EPHA6: variants seen among roughly 807,000 people sequenced by gnomAD.
EPHA6 encodes EPH receptor A6, also known as ephrin type-A receptor 6.
A neutral mutation model predicts 112.0 loss-of-function variants in EPHA6; 50 were observed. The ratio of observed to expected loss-of-function variants is 0.45; its 90% CI spans 0.36 to 0.56. The LOEUF (loss-of-function observed/expected upper bound fraction) is 0.56. Ranked by LOEUF, EPHA6 falls within the 20% of genes least tolerant of loss-of-function variation. The pLI is 0.00. For missense variants in EPHA6, 1,280 were observed against 1,417.4 expected, an observed-to-expected ratio of 0.90 and a Z score of 1.56; for synonymous variants, 529 against 490.7, an observed-to-expected ratio of 1.08 and a Z score of -1.03.
intron 5 of EPHA6, among the ~76,000 whole-genome samples, chr3:97,258,808 C>T (rs2079401660): frequency 6.6e-6 from 1 of 152,088 alleles, no homozygotes; most frequent in South Asian, 2.1e-4. Context: ...AAGTATCTTG[C>T]ATTAGATAAC....
intron 3 of EPHA6, among the ~76,000 whole-genome samples, chr3:97,204,676 A>G (rs2077667887): frequency 6.6e-6 from 1 of 152,154 alleles, no homozygotes; most frequent in Non-Finnish European, 1.5e-5. Flanking sequence ...ATTTTGGGAA[A>G]AAACAAAGAC....
chr3:97,574,714 A>G (rs1278787039), intron 11 of EPHA6, among the ~76,000 whole-genome samples: 1 of 152,156 alleles, frequency 6.6e-6, no homozygotes, highest in Non-Finnish European at 1.5e-5. Flanking sequence ...AAATGAGACA[A>G]AAATATGAGC....
intron 6 of EPHA6, among the ~76,000 whole-genome samples, chr3:97,414,625 A>G (rs959349765): frequency 6.6e-6 from 1 of 152,030 alleles, no homozygotes; most frequent in Non-Finnish European, 1.5e-5. Flanking sequence ...TAGATTCTCA[A>G]ATGAAAGGGA....
chr3:97,373,803 C>A (rs2085200552), intron 5 of EPHA6, among the ~76,000 whole-genome samples: 2 of 152,106 alleles, frequency 1.3e-5, no homozygotes, highest in South Asian at 4.1e-4. Flanking sequence ...TGAACTATCT[C>A]ATTCTATTCC....
chr3:96,833,635 C>A (rs2034225007), intron 1 of EPHA6, among the ~76,000 whole-genome samples: 1 of 151,980 alleles, frequency 6.6e-6, no homozygotes, highest in Non-Finnish European at 1.5e-5. Flanking sequence ...TAAAAGAGAT[C>A]TAGCTGAAGA....
At chr3:97,327,077 T>C (rs765243753) in intron 5 of EPHA6, among the ~76,000 whole-genome samples, 23 of 152,098 alleles carry the variant, frequency 1.5e-4, no homozygotes, top group Admixed American at 2.6e-4. Context: ...AGGTTAAGCC[T>C]GAAACCGGTA....
chr3:97,495,135 A>T (rs2091943138), intron 10 of EPHA6, among the ~76,000 whole-genome samples: 1 of 152,106 alleles, frequency 6.6e-6, no homozygotes, highest in Admixed American at 6.6e-5. Flanking sequence ...CTACCAGCTT[A>T]TCCCCAGCGG....
intron 5 of EPHA6, among the ~76,000 whole-genome samples, chr3:97,324,517 C>CT (rs2082320630): frequency 1.3e-5 from 1 of 76,566 alleles, no homozygotes; most frequent in South Asian, 5.7e-4. Flanking sequence ...CTTTCTCTTT[C>CT]TTTCTTTCTT....
intron 2 of EPHA6, among the ~76,000 whole-genome samples, chr3:96,974,933 A>C (rs2042462884): frequency 6.6e-6 from 1 of 152,172 alleles, no homozygotes. Flanking sequence ...TATTATACTC[A>C]TAAGTCCCAG....
intron 11 of EPHA6, among the ~76,000 whole-genome samples, chr3:97,587,252 A>C (rs2107320330): frequency 6.6e-6 from 1 of 152,186 alleles, no homozygotes; most frequent in Non-Finnish European, 1.5e-5. Context: ...AAAAAAAAAA[A>C]AGAAACTATC....
intron 7 of EPHA6, among the ~76,000 whole-genome samples, chr3:97,473,049 T>G (rs575961848): frequency 6.6e-6 from 1 of 151,956 alleles, no homozygotes; most frequent in East Asian, 1.9e-4. Flanking sequence ...AGTTTCCTAT[T>G]AAATAAATAA....
chr3:97,438,425 A>G (rs1052422118), intron 6 of EPHA6, among the ~76,000 whole-genome samples: 9 of 152,184 alleles, frequency 5.9e-5, no homozygotes, highest in African/African-American at 1.9e-4. Flanking sequence ...GAAGCACTAT[A>G]TGCTAGCAAA....
chr3:97,057,416 C>T (rs2045885841), intron 3 of EPHA6, among the ~76,000 whole-genome samples: 1 of 152,144 alleles, frequency 6.6e-6, no homozygotes, highest in Non-Finnish European at 1.5e-5. Flanking sequence ...TTAAGTCTCC[C>T]TCTTCATGTG....
intron 2 of EPHA6, among the ~76,000 whole-genome samples, chr3:96,946,645 G>T (rs1039493098): frequency 1.3e-5 from 2 of 152,172 alleles, no homozygotes; most frequent in African/African-American, 4.8e-5. Flanking sequence ...ACGTGTGCAT[G>T]TGTCTTTATA....
rs188395036 is a variant in EPHA6, at chr3:97,753,224, G to A, written c.*4523G>A. 8.7e-4 allele frequency among the ~76,000 whole-genome samples: 133 copies of A among 152,098 alleles called. No individual in the cohort carries two copies. Among genetic ancestry groups the A allele is most frequent in the African/African-American group, 3.0e-3 (125 of 41,518 alleles). ...GCACAAAATTTTACTACAAAGATAC[G>A]TTTGGCTGTGCTGTCATTGCTTTCA... On this transcript the variant is annotated 3_prime_UTR_variant, in exon 18 of 18. Transcript: ENST00000389672.
intron 7 of EPHA6, among the ~76,000 whole-genome samples, chr3:97,455,438 C>T (rs921512921): frequency 6.6e-6 from 1 of 151,988 alleles, no homozygotes; most frequent in Non-Finnish European, 1.5e-5. Flanking sequence ...GCATTAGGCC[C>T]TTTTCATACT....
intron 1 of EPHA6, among the ~76,000 whole-genome samples, chr3:96,862,150 CAT>C (rs142540278): frequency 0.016 from 2,439 of 151,962 alleles, 66 homozygotes; most frequent in African/African-American, 0.049. Context: ...TATAAAGATA[CAT>C]GTTTGTTTAT....
chr3:97,347,458 G>C (rs1174953681), intron 5 of EPHA6, among the ~76,000 whole-genome samples: 1 of 151,990 alleles, frequency 6.6e-6, no homozygotes, highest in Non-Finnish European at 1.5e-5. Flanking sequence ...AATTTACTAA[G>C]TACGTTTAAT....
chr3:96,885,256 G>T (rs184143439), intron 2 of EPHA6, among the ~76,000 whole-genome samples: 75 of 152,154 alleles, frequency 4.9e-4, no homozygotes, highest in African/African-American at 1.7e-3. Flanking sequence ...ATTAGGGAGG[G>T]TGGCTTCTTT....
Sources: gnomAD v4.1 joint callset for allele counts (sites outside exome capture counted in the v4.1 genomes callset) on GRCh38, gnomAD v4.1.1 for gene constraint, MANE v1.5 for transcripts, NCBI Gene and HGNC (gene_info 2026-07-23, HGNC 2026-07-21) for gene names.